The following DLC1 variants were observed in gnomAD, a reference collection of about 807,000 sequenced individuals.
The protein encoded by DLC1 is rho GTPase-activating protein 7.
DLC1 carries 54 observed loss-of-function variants against 140.3 expected under a neutral mutation model. The observed-to-expected ratio is 0.38, with a 90% CI of 0.31 to 0.48. DLC1 has a LOEUF of 0.48. Ranked by LOEUF, DLC1 falls within the 20% of genes least tolerant of loss-of-function variation. The pLI, the probability that DLC1 is intolerant of heterozygous loss-of-function variation, is 0.96. For missense variants in DLC1, 2,536 were observed against 1,907.0 expected, an observed-to-expected ratio of 1.33 and a Z score of -6.14; for synonymous variants, 986 against 728.1, an observed-to-expected ratio of 1.35 and a Z score of -5.70.
At chr8:13,426,544 T>A (rs1342422322) in intron 2 of DLC1, among the ~76,000 whole-genome samples, 1 of 152,180 alleles carries the variant, frequency 6.6e-6, no homozygotes, top group African/African-American at 2.4e-5. Flanking sequence ...TTTGCCTCCT[T>A]TCTCACCCTG....
At chr8:13,497,917 A>T (rs1232174616) in intron 2 of DLC1, among the ~76,000 whole-genome samples, 2 of 152,206 alleles carry the variant, frequency 1.3e-5, no homozygotes, top group African/African-American at 4.8e-5. Context: ...GACTTCATTT[A>T]AACTAACTCA....
chr8:13,137,051 A>G lies in DLC1; in HGVS notation c.1349-21394T>C, dbSNP rs189795482. Reference sequence around the variant, plus strand: ...GAACTAAAACATGAAATCCTATTTAAATCATCATCCAAGAGATGATTAAAA... The same window carrying G: ...GAACTAAAACATGAAATCCTATTTAGATCATCATCCAAGAGATGATTAAAA... On this transcript the variant is annotated intron_variant, in intron 5 of 17. Coordinates refer to ENST00000276297, the MANE Select transcript of DLC1 (RefSeq NM_182643.3). Among the ~76,000 whole-genome samples the G allele has an allele frequency of 5.2e-3, 791 of 152,324 alleles. 7 individuals are homozygous for G. Among genetic ancestry groups the G allele is most frequent in the African/African-American group, 0.017 (725 of 41,572 alleles).
At chr8:13,102,589 T>C (rs141016770) in intron 8 of DLC1, among the ~76,000 whole-genome samples, 57 of 152,228 alleles carry the variant, frequency 3.7e-4, no homozygotes, top group African/African-American at 1.3e-3. Flanking sequence ...AAACAATAGA[T>C]AAAATAATGT....
intron 5 of DLC1, among the ~76,000 whole-genome samples, chr8:13,211,182 C>G (rs943136192): frequency 6.6e-6 from 1 of 152,188 alleles, no homozygotes; most frequent in Non-Finnish European, 1.5e-5. Context: ...TTATGTGGTT[C>G]TGGGAACTCC....
At chr8:13,436,628 C>T (rs751572673) in intron 2 of DLC1, among the ~76,000 whole-genome samples, 3 of 152,052 alleles carry the variant, frequency 2.0e-5, no homozygotes, top group Non-Finnish European at 4.4e-5. Context: ...TAACACACAG[C>T]AACTGGACAA....
intron 1 of DLC1, among the ~76,000 whole-genome samples, chr8:13,554,072 G>A (rs1803959401): frequency 6.6e-6 from 1 of 151,752 alleles, no homozygotes; most frequent in Admixed American, 6.6e-5. Context: ...TTGTTTGCTT[G>A]TTTTGTTTTT....
chr8:13,099,068 T>TTTTTTTTTTTTTTTTTTTTTTTTTTG (rs1554570957), intron 9 of DLC1, among the ~76,000 whole-genome samples: 1 of 151,852 alleles, frequency 6.6e-6, no homozygotes, highest in Non-Finnish European at 1.5e-5. Context: ...TCACCATTTT[T>TTTTTTTTTTTTTTTTTTTTTTTTTTG]AAATGTGCAG....
At chr8:13,528,333 T>C (rs1340882681) in intron 1 of DLC1, among the ~76,000 whole-genome samples, 1 of 152,140 alleles carries the variant, frequency 6.6e-6, no homozygotes, top group African/African-American at 2.4e-5. Flanking sequence ...AGTATAAAAA[T>C]GAAAATTTAA....
intron 5 of DLC1, among the ~76,000 whole-genome samples, chr8:13,125,689 C>G (rs1161509434): frequency 6.6e-6 from 1 of 151,932 alleles, no homozygotes; most frequent in Non-Finnish European, 1.5e-5. Flanking sequence ...GTTTTCAGTC[C>G]TAGTAAGGAA....
Position 13,283,278 on chromosome 8 carries a change from A to C in DLC1, c.1348+21991T>G, listed in dbSNP as rs1443493150. 2.6e-5 allele frequency among the ~76,000 whole-genome samples: 4 copies of C among 151,312 alleles called. No homozygotes were observed. The East Asian group carries it at 7.8e-4, about 29-fold the overall frequency. On this transcript the variant is annotated intron_variant, in intron 5 of 17. Coordinates refer to ENST00000276297, the MANE Select transcript of DLC1 (RefSeq NM_182643.3). ...ATTTGCAGGTCGACTTCTGTGTACC[A>C]AGGGATCCTACTGAAACACACACAC...
intron 4 of DLC1, among the ~76,000 whole-genome samples, chr8:13,345,051 T>G (rs936733244): frequency 1.3e-5 from 2 of 152,068 alleles, no homozygotes; most frequent in African/African-American, 2.4e-5. Context: ...AAAATGAATT[T>G]TAGGGTGAGT....
intron 4 of DLC1, chr8:13,341,854 T>A (rs1834069213): frequency 1.3e-5 from 2 of 152,170 alleles, no homozygotes; most frequent in Non-Finnish European, 2.9e-5. Flanking sequence ...CGATAAAATG[T>A]CATCCATCAG....
At chr8:13,419,060 A>G (rs1468100467) in intron 2 of DLC1, among the ~76,000 whole-genome samples, 1 of 151,926 alleles carries the variant, frequency 6.6e-6, no homozygotes, top group Admixed American at 6.6e-5. Context: ...TTGTACATTG[A>G]TTTTGTATCC....
intron 2 of DLC1, among the ~76,000 whole-genome samples, chr8:13,420,149 C>G (rs899492534): frequency 4.0e-5 from 6 of 151,820 alleles, no homozygotes; most frequent in African/African-American, 7.3e-5. Context: ...TTTTGTTAAT[C>G]CTTTCAAAAA....
chr8:13,358,029 A>G (rs2117061460), intron 4 of DLC1, among the ~76,000 whole-genome samples: 1 of 152,300 alleles, frequency 6.6e-6, no homozygotes, highest in South Asian at 2.1e-4. Flanking sequence ...ACTGTATAAA[A>G]TTAGGGTATT....
At chr8:13,296,388 A>G (rs905129038) in intron 5 of DLC1, among the ~76,000 whole-genome samples, 45 of 152,194 alleles carry the variant, frequency 3.0e-4, no homozygotes, top group African/African-American at 8.2e-4. Flanking sequence ...TAAGAGGTCA[A>G]TGGCATTGCA....
intron 5 of DLC1, among the ~76,000 whole-genome samples, chr8:13,147,172 A>AT (rs1246220161): frequency 6.6e-6 from 1 of 152,210 alleles, no homozygotes; most frequent in Admixed American, 6.5e-5. Flanking sequence ...TATCATTTAG[A>AT]TTCTTCCTTA....
intron 5 of DLC1, among the ~76,000 whole-genome samples, chr8:13,235,646 T>C (rs571735752): frequency 5.9e-5 from 9 of 151,974 alleles, no homozygotes; most frequent in Non-Finnish European, 1.2e-4. Context: ...ACAGGGTAAC[T>C]ATAGAGCTTT....
chr8:13,372,626 C>T (rs1035872748), intron 4 of DLC1, among the ~76,000 whole-genome samples: 43 of 152,148 alleles, frequency 2.8e-4, no homozygotes, highest in African/African-American at 1.0e-3. Context: ...AACTGTCTGT[C>T]ATATTCTAAC....
Sources: gnomAD v4.1 joint callset for allele counts (sites outside exome capture counted in the v4.1 genomes callset) on GRCh38, gnomAD v4.1.1 for gene constraint, MANE v1.5 for transcripts, NCBI Gene and HGNC (gene_info 2026-07-23, HGNC 2026-07-21) for gene names.